CFAP61: variants seen among roughly 807,000 people sequenced by gnomAD.
CFAP61 encodes the protein cilia and flagella associated protein 61.
A neutral mutation model predicts 135.6 loss-of-function variants in CFAP61; 107 were observed. The observed-to-expected ratio is 0.79, with a 90% CI of 0.67 to 0.93. The LOEUF (loss-of-function observed/expected upper bound fraction) is 0.93, where lower values mean the gene tolerates loss of function less well. Among genes scored for constraint, CFAP61 ranks in the 40% least tolerant of loss-of-function variants. The pLI, the probability that CFAP61 is intolerant of heterozygous loss-of-function variation, is 0.00. For synonymous variants in CFAP61, 575 were observed against 578.5 expected (o/e 0.99, Z 0.09); for missense variants, 1,507 against 1,556.2 (o/e 0.97, Z 0.53).
At position 20,252,055 on chromosome 20, in the gene CFAP61, GC is replaced by G. The variant is rs1187995243; in HGVS notation, c.2328+293del. Among the ~76,000 whole-genome samples, 7 of 152,310 alleles carry G rather than the reference GC, an allele frequency of 4.6e-5. No individual in the cohort carries two copies. In the South Asian group the frequency reaches 1.4e-3, roughly 32 times the overall value. On this transcript the variant is annotated intron_variant, in intron 20 of 26. Coordinates refer to ENST00000245957, the MANE Select transcript of CFAP61 (RefSeq NM_015585.4). ...GTTGTCCAAAAGTCTAACACATACT[GC>G]TCGCCCTAGCAGAATCCAGACGCAA...
chr20:20,277,559 C>A, intron 22 of CFAP61, 101 bp downstream of exon 22: 1 of 1,285,932 alleles, frequency 7.8e-7, no homozygotes, highest in Non-Finnish European at 1.1e-6. Context: ...TTTGTAGTAC[C>A]AGATGTTGGA....
chr20:20,286,386 G>C (rs781755516), intron 22 of CFAP61, among the ~76,000 whole-genome samples: 90 of 152,288 alleles, frequency 5.9e-4, no homozygotes, highest in Non-Finnish European at 9.8e-4. Context: ...TAGATCATGC[G>C]CTCCATGCTT....
intron 8 of CFAP61, among the ~76,000 whole-genome samples, chr20:20,123,612 T>C (rs1241580674): frequency 6.6e-6 from 1 of 151,810 alleles, no homozygotes; most frequent in African/African-American, 2.4e-5. Context: ...ATGTGCCGAT[T>C]TTTATACCAG....
chr20:20,067,887 A>G (rs1045502867), intron 2 of CFAP61, among the ~76,000 whole-genome samples: 3 of 150,916 alleles, frequency 2.0e-5, no homozygotes, highest in Non-Finnish European at 4.4e-5. Context: ...ACTAAGGGGT[A>G]ATAAGAAGTG....
At chr20:20,273,766 G>C (rs1026403306) in intron 21 of CFAP61, among the ~76,000 whole-genome samples, 3 of 152,202 alleles carry the variant, frequency 2.0e-5, no homozygotes, top group Non-Finnish European at 4.4e-5. Flanking sequence ...TAGCCTGGCT[G>C]CGTAGGCCAT....
At chr20:20,099,993 C>G (rs2047896215) in intron 8 of CFAP61, among the ~76,000 whole-genome samples, 1 of 152,090 alleles carries the variant, frequency 6.6e-6, no homozygotes, top group Non-Finnish European at 1.5e-5. Flanking sequence ...AACACCCTCC[C>G]CAAAAGAGAT....
intron 13 of CFAP61, chr20:20,172,053 C>T: frequency 2.5e-6 from 1 of 407,000 alleles, no homozygotes; most frequent in Non-Finnish European, 4.0e-6. Context: ...GCAAGGGAGC[C>T]TGGAAGATAT....
chr20:20,054,426 T>TACATAC (rs1425760719), intron 1 of CFAP61, among the ~76,000 whole-genome samples: 258 of 138,256 alleles, frequency 1.9e-3, no homozygotes, highest in African/African-American at 6.6e-3. Flanking sequence ...CACACACACA[T>TACATAC]ACATACACAT....
At chr20:20,187,467 T>C (rs1368854651) in intron 13 of CFAP61, among the ~76,000 whole-genome samples, 1 of 152,102 alleles carries the variant, frequency 6.6e-6, no homozygotes, top group Admixed American at 6.6e-5. Context: ...AAGATAAAAT[T>C]ATTAAGAATT....
At chr20:20,136,859 T>C (rs1396825110) in intron 8 of CFAP61, among the ~76,000 whole-genome samples, 1 of 152,246 alleles carries the variant, frequency 6.6e-6, no homozygotes, top group Non-Finnish European at 1.5e-5. Context: ...CTTTGCAATC[T>C]GGACTTGTTT....
chr20:20,132,738 T>A (rs949235625), intron 8 of CFAP61, among the ~76,000 whole-genome samples: 2 of 152,142 alleles, frequency 1.3e-5, no homozygotes, highest in Admixed American at 6.5e-5. Context: ...TTTTGATCAG[T>A]TATGAAGTTT....
At chr20:20,334,631 A>G (rs922572379) in intron 25 of CFAP61, among the ~76,000 whole-genome samples, 2 of 152,208 alleles carry the variant, frequency 1.3e-5, no homozygotes, top group Non-Finnish European at 2.9e-5. Context: ...CATTGTGACA[A>G]TGAGACCACA....
intron 25 of CFAP61, among the ~76,000 whole-genome samples, chr20:20,337,310 A>ATAGATGGG (rs2058240698): frequency 9.2e-6 from 1 of 109,218 alleles, no homozygotes; most frequent in Non-Finnish European, 1.9e-5. Flanking sequence ...GGATGGATGG[A>ATAGATGGG]TGGATGGATG....
intron 4 of CFAP61, among the ~76,000 whole-genome samples, chr20:20,074,793 C>T (rs962508339): frequency 6.6e-6 from 1 of 152,114 alleles, no homozygotes; most frequent in Non-Finnish European, 1.5e-5. Context: ...CGAGTCATGG[C>T]GATGTGTCTC....
intron 17 of CFAP61, among the ~76,000 whole-genome samples, chr20:20,216,237 G>C (rs570804297): frequency 6.6e-6 from 1 of 152,172 alleles, no homozygotes; most frequent in South Asian, 2.1e-4. Context: ...TCATTAACAC[G>C]AACACTGGGA....
chr20:20,344,315 G>A (rs2058558544), intron 26 of CFAP61, among the ~76,000 whole-genome samples: 2 of 152,190 alleles, frequency 1.3e-5, no homozygotes, highest in Non-Finnish European at 2.9e-5. Context: ...AGCAGCAGTG[G>A]AGGTGACAGT....
In CFAP61 at chr20:20,199,932, G is replaced by A. The variant is rs368400549; in HGVS notation, c.1932+30G>A. ...GTAGCAGGGCGGCAGGCAGGGCGGC[G>A]CGGTGCCAGCTCCCGCGGGCCTGGC... On this transcript the variant is annotated intron_variant, in intron 17 of 26. Coordinates refer to ENST00000245957, the MANE Select transcript of CFAP61 (RefSeq NM_015585.4). 9 of 1,611,018 alleles carry A rather than the reference G, an allele frequency of 5.6e-6. No individual in the cohort carries two copies. The East Asian group carries it at 6.7e-5, about 12-fold the overall frequency.
chr20:20,112,358 T>C (rs1239101651), intron 8 of CFAP61, among the ~76,000 whole-genome samples: 1 of 152,216 alleles, frequency 6.6e-6, no homozygotes, highest in Non-Finnish European at 1.5e-5. Flanking sequence ...ACATAAAATA[T>C]GTGTAAAAAT....
intron 25 of CFAP61, among the ~76,000 whole-genome samples, chr20:20,335,236 A>G (rs375992326): frequency 1.2e-4 from 18 of 152,306 alleles, no homozygotes; most frequent in African/African-American, 4.3e-4. Flanking sequence ...AGAGTGATAA[A>G]CATGTTCTAG....
Sources: gnomAD v4.1 joint callset for allele counts (sites outside exome capture counted in the v4.1 genomes callset) on GRCh38, gnomAD v4.1.1 for gene constraint, MANE v1.5 for transcripts, NCBI Gene and HGNC (gene_info 2026-07-23, HGNC 2026-07-21) for gene names.